Variants in LCLAT1 observed in about 807,000 individuals in gnomAD.
The protein encoded by LCLAT1 is lysocardiolipin acyltransferase 1.
Under a neutral mutation model 30.7 loss-of-function variants are expected in LCLAT1, and 11 were observed. The ratio of observed to expected loss-of-function variants is 0.36; its 90% CI spans 0.23 to 0.59. The LOEUF is 0.59. Ranked by LOEUF, LCLAT1 falls within the 20% of genes least tolerant of loss-of-function variation. LCLAT1 has a pLI of 0.77. For missense variants in LCLAT1, 402 were observed against 458.6 expected (o/e 0.88, Z 1.13); for synonymous variants, 155 against 151.3 (o/e 1.02, Z -0.18).
intron 5 of LCLAT1, among the ~76,000 whole-genome samples, chr2:30,616,112 T>C (rs1340622521): frequency 5.3e-5 from 8 of 152,202 alleles, no homozygotes; most frequent in Non-Finnish European, 1.0e-4. Context: ...TGACACAAGC[T>C]GTCACACCAT....
At chr2:30,511,509 T>C (rs554166114) in intron 1 of LCLAT1, among the ~76,000 whole-genome samples, 7 of 152,364 alleles carry the variant, frequency 4.6e-5, no homozygotes, top group African/African-American at 1.4e-4. Flanking sequence ...AATAGCTACA[T>C]GTAGCTAATG....
intron 1 of LCLAT1, among the ~76,000 whole-genome samples, chr2:30,497,001 C>G (rs992458711): frequency 1.3e-5 from 2 of 152,176 alleles, no homozygotes; most frequent in Non-Finnish European, 1.5e-5. Flanking sequence ...TCAGTATTTA[C>G]TTATTTCAGA....
chr2:30,542,025 T>C (rs1235158023), intron 3 of LCLAT1, among the ~76,000 whole-genome samples: 1 of 152,230 alleles, frequency 6.6e-6, no homozygotes, highest in African/African-American at 2.4e-5. Context: ...GCTTGTTTTA[T>C]GATGTTTCTA....
At chr2:30,604,188 C>CCTTCAGCCCCCTCTTCCCATG (rs1667320473) in intron 5 of LCLAT1, among the ~76,000 whole-genome samples, 1 of 152,112 alleles carries the variant, frequency 6.6e-6, no homozygotes, top group Non-Finnish European at 1.5e-5. Flanking sequence ...ACAGTGTGAC[C>CCTTCAGCCCCCTCTTCCCATG]CTTCAGCCCC....
At chr2:30,560,441 C>T (rs965431994) in intron 3 of LCLAT1, among the ~76,000 whole-genome samples, 2 of 152,082 alleles carry the variant, frequency 1.3e-5, no homozygotes, top group African/African-American at 4.8e-5. Context: ...CAGGTTCAAG[C>T]AGTTCTCCCC....
chr2:30,478,495 A>G (rs887606388), intron 1 of LCLAT1, among the ~76,000 whole-genome samples: 1 of 152,138 alleles, frequency 6.6e-6, no homozygotes, highest in Admixed American at 6.5e-5. Flanking sequence ...GTAAATCTCT[A>G]TAGAATAGTT....
At chr2:30,595,262 T>G (rs1562415) in intron 5 of LCLAT1, among the ~76,000 whole-genome samples, 102,765 of 150,544 alleles carry the variant, frequency 0.68, 35,085 homozygotes, top group Middle Eastern at 0.76. Flanking sequence ...TTTGTGGGGG[T>G]TTTTTTTTCC....
intron 1 of LCLAT1, among the ~76,000 whole-genome samples, chr2:30,458,718 A>C (rs1281175984): frequency 6.6e-6 from 1 of 152,162 alleles, no homozygotes; most frequent in African/African-American, 2.4e-5. Context: ...CTGAGAATTT[A>C]AATCTCCCAA....
intron 5 of LCLAT1, among the ~76,000 whole-genome samples, chr2:30,584,426 T>C (rs1666340379): frequency 6.6e-6 from 1 of 152,176 alleles, no homozygotes; most frequent in South Asian, 2.1e-4. Context: ...AAGGAAGGCT[T>C]CTTGTTGACT....
At chr2:30,452,053 A>C (rs1238964084) in intron 1 of LCLAT1, among the ~76,000 whole-genome samples, 1 of 152,228 alleles carries the variant, frequency 6.6e-6, no homozygotes, top group African/African-American at 2.4e-5. Context: ...CAGAAGTCAG[A>C]ATAGTGATTA....
At chr2:30,501,076 C>G (rs368121365) in intron 1 of LCLAT1, among the ~76,000 whole-genome samples, 3 of 146,494 alleles carry the variant, frequency 2.0e-5, no homozygotes, top group African/African-American at 7.5e-5. Context: ...TTGTTTTGTT[C>G]TGTGTGTGTG....
intron 1 of LCLAT1, among the ~76,000 whole-genome samples, chr2:30,500,362 C>G (rs1381253530): frequency 1.3e-5 from 2 of 152,118 alleles, no homozygotes; most frequent in Non-Finnish European, 2.9e-5. Flanking sequence ...AGAATAGTGA[C>G]TATATATGCT....
At chr2:30,592,813 G>A (rs960650169) in intron 5 of LCLAT1, among the ~76,000 whole-genome samples, 15 of 151,978 alleles carry the variant, frequency 9.9e-5, no homozygotes, top group Non-Finnish European at 1.6e-4. Context: ...TGTAACAGTT[G>A]TATGTATTTT....
intron 1 of LCLAT1, among the ~76,000 whole-genome samples, chr2:30,523,587 C>T (rs1353382295): frequency 1.3e-5 from 2 of 152,112 alleles, no homozygotes; most frequent in Admixed American, 6.5e-5. Flanking sequence ...TAAAAATAGT[C>T]GGCTGGGCAC....
At chr2:30,487,205 GC>G (rs1248804281) in intron 1 of LCLAT1, among the ~76,000 whole-genome samples, 7 of 152,186 alleles carry the variant, frequency 4.6e-5, no homozygotes, top group Non-Finnish European at 1.0e-4. Context: ...ATGGTACCCA[GC>G]TAAGGCACTC....
chr2:30,488,175 T>C (rs1260213439), intron 1 of LCLAT1, among the ~76,000 whole-genome samples: 1 of 152,252 alleles, frequency 6.6e-6, no homozygotes, highest in Non-Finnish European at 1.5e-5. Flanking sequence ...TAGTTGTAGT[T>C]ACTACAGTAA....
At chr2:30,598,378 A>ATGTG (rs1267307351) in intron 5 of LCLAT1, among the ~76,000 whole-genome samples, 16 of 147,420 alleles carry the variant, frequency 1.1e-4, no homozygotes, top group African/African-American at 3.3e-4. Flanking sequence ...GGGAGGGTGT[A>ATGTG]TGTGTCCAAG....
Position 30,448,344 on chromosome 2 carries a change from C to T in LCLAT1, c.-5+961C>T, listed in dbSNP as rs75116421. Among the ~76,000 whole-genome samples the T allele has an allele frequency of 9.5e-3, 1,426 of 150,480 alleles. 24 individuals carry two copies. Among genetic ancestry groups the T allele is most frequent in the African/African-American group, 0.032 (1,342 of 41,400 alleles). On this transcript the variant is annotated intron_variant, in intron 1 of 5. Coordinates refer to ENST00000379509, the MANE Select transcript of LCLAT1 (RefSeq NM_001002257.3). ...TCAAAAAACTGACTTGATGAAAGCC[C>T]TTTTTGTAAAACATATTTTTTGAGA...
chr2:30,631,231 T>G (rs1668754784), intron 5 of LCLAT1, among the ~76,000 whole-genome samples: 1 of 152,196 alleles, frequency 6.6e-6, no homozygotes, highest in Non-Finnish European at 1.5e-5. Flanking sequence ...CTTGTGGCTT[T>G]CTGTATGTGG....
Sources: allele counts gnomAD v4.1 joint callset (sites outside exome capture counted in the v4.1 genomes callset), GRCh38; gene constraint gnomAD v4.1.1; transcripts MANE v1.5; gene names NCBI Gene and HGNC (gene_info 2026-07-23, HGNC 2026-07-21).